PLXNA4: variants seen among roughly 807,000 people sequenced by gnomAD.
PLXNA4 encodes plexin A4.
A neutral mutation model predicts 191.8 loss-of-function variants in PLXNA4; 44 were observed. That is an observed-to-expected ratio of 0.23 (90% CI 0.18 to 0.29). PLXNA4 has a LOEUF of 0.29. PLXNA4 is among the 10% of genes least tolerant of loss of function. The pLI is 1.00. For missense variants in PLXNA4, 1,800 were observed against 2,488.8 expected, an observed-to-expected ratio of 0.72 and a Z score of 5.89; for synonymous variants, 1,082 against 1,009.5, an observed-to-expected ratio of 1.07 and a Z score of -1.36.
chr7:132,645,232 C>A (rs1257041428), intron 2 of PLXNA4, among the ~76,000 whole-genome samples: 4 of 152,208 alleles, frequency 2.6e-5, no homozygotes, highest in Admixed American at 1.3e-4. Flanking sequence ...CAAATATCAT[C>A]TTGAATTGTA....
At position 132,159,373 on chromosome 7, in the gene PLXNA4, C is replaced by T. The variant is rs549056369; in HGVS notation, c.4660+100G>A. On this transcript the variant is annotated intron_variant, in intron 25 of 31. Transcript: ENST00000321063. ...ACTCCCTCCAGCCAGTGATTATTCCCCTCAGATCTCTACCCCAGCCCTGCC... is the reference window on the plus strand; with the variant it reads ...ACTCCCTCCAGCCAGTGATTATTCCTCTCAGATCTCTACCCCAGCCCTGCC... The T allele has an allele frequency of 1.3e-3, 2,016 of 1,543,078 alleles. 41 individuals carry two copies. In the South Asian group the frequency reaches 0.024, roughly 18 times the overall value.
At chr7:132,133,703 A>G (rs552420152) in intron 30 of PLXNA4, among the ~76,000 whole-genome samples, 1 of 152,310 alleles carries the variant, frequency 6.6e-6, no homozygotes, top group South Asian at 2.1e-4. Context: ...GCAATCAGTC[A>G]CTGTCACTTG....
At chr7:132,443,547 G>A (rs1308266298) in intron 3 of PLXNA4, among the ~76,000 whole-genome samples, 3 of 152,120 alleles carry the variant, frequency 2.0e-5, no homozygotes, top group Admixed American at 2.0e-4. Flanking sequence ...CGGGCCTGTT[G>A]TCCATTTCCT....
chr7:132,246,239 A>G (rs530890012), intron 4 of PLXNA4, among the ~76,000 whole-genome samples: 2 of 152,344 alleles, frequency 1.3e-5, no homozygotes, highest in African/African-American at 4.8e-5. Flanking sequence ...TGGTAGACTA[A>G]TACAATCATC....
intron 25 of PLXNA4, among the ~76,000 whole-genome samples, chr7:132,151,169 A>G (rs910608593): frequency 9.9e-5 from 15 of 152,126 alleles, no homozygotes; most frequent in African/African-American, 3.6e-4. Flanking sequence ...AATATCAGAA[A>G]GGTGAAAGAA....
At chr7:132,519,451 G>A (rs761921096) in intron 1 of PLXNA4, among the ~76,000 whole-genome samples, 8 of 152,194 alleles carry the variant, frequency 5.3e-5, no homozygotes, top group Non-Finnish European at 7.3e-5. Context: ...AGTGGACCTT[G>A]GGAACCACAG....
At chr7:132,216,766 G>A (rs2116926361) in intron 9 of PLXNA4, among the ~76,000 whole-genome samples, 1 of 152,270 alleles carries the variant, frequency 6.6e-6, no homozygotes, top group African/African-American at 2.4e-5. Context: ...TGGCAATGAT[G>A]AGCACAGTAT....
chr7:132,536,850 G>C (rs1367052014), intron 1 of PLXNA4, among the ~76,000 whole-genome samples: 1 of 152,240 alleles, frequency 6.6e-6, no homozygotes, highest in Non-Finnish European at 1.5e-5. Context: ...AGGGCAGAAA[G>C]AGACAGTCAT....
chr7:132,544,454 G>T (rs1402946176), intron 1 of PLXNA4, among the ~76,000 whole-genome samples: 1 of 152,218 alleles, frequency 6.6e-6, no homozygotes, highest in Non-Finnish European at 1.5e-5. Flanking sequence ...AGAGCCACTT[G>T]TTAGTAACAG....
At chr7:132,559,615 G>A (rs1250633783) in intron 1 of PLXNA4, among the ~76,000 whole-genome samples, 3 of 152,172 alleles carry the variant, frequency 2.0e-5, no homozygotes, top group African/African-American at 7.2e-5. Flanking sequence ...AAGACTTGAA[G>A]GAGTTGAGCA....
chr7:132,374,196 T>C (rs1183379157), intron 3 of PLXNA4, among the ~76,000 whole-genome samples: 1 of 152,214 alleles, frequency 6.6e-6, no homozygotes, highest in Non-Finnish European at 1.5e-5. Flanking sequence ...TGAGTCACAA[T>C]ATGTGATTGA....
intron 25 of PLXNA4, among the ~76,000 whole-genome samples, chr7:132,156,770 T>A (rs1795811606): frequency 1.3e-5 from 2 of 152,236 alleles, no homozygotes. Flanking sequence ...CAACTTGCCT[T>A]GCTTCTCTCT....
chr7:132,535,115 T>C (rs1020645801), intron 1 of PLXNA4, among the ~76,000 whole-genome samples: 1 of 152,166 alleles, frequency 6.6e-6, no homozygotes, highest in African/African-American at 2.4e-5. Context: ...TCATCATCCA[T>C]ATTACAAGCT....
At chr7:132,411,843 A>G (rs376790615) in intron 3 of PLXNA4, among the ~76,000 whole-genome samples, 200 of 152,298 alleles carry the variant, frequency 1.3e-3, no homozygotes, top group Middle Eastern at 6.8e-3. Flanking sequence ...TTATGCTTGG[A>G]ATGTGAAGGA....
chr7:132,462,187 G>A (rs759868548), intron 3 of PLXNA4, among the ~76,000 whole-genome samples: 1 of 152,144 alleles, frequency 6.6e-6, no homozygotes, highest in African/African-American at 2.4e-5. Flanking sequence ...TCTTAACTTC[G>A]ATGCTTTAGG....
At chr7:132,183,174 A>G (rs1796766060) in intron 16 of PLXNA4, among the ~76,000 whole-genome samples, 1 of 152,202 alleles carries the variant, frequency 6.6e-6, no homozygotes, top group Non-Finnish European at 1.5e-5. Context: ...TTATATTGCC[A>G]GTTGCTTCTC....
At chr7:132,201,554 C>T (rs944969763) in intron 12 of PLXNA4, among the ~76,000 whole-genome samples, 1 of 152,312 alleles carries the variant, frequency 6.6e-6, no homozygotes, top group Non-Finnish European at 1.5e-5. Context: ...CTCCTTCTCC[C>T]TCTTCCTGCT....
At chr7:132,306,155 C>T (rs772095752) in intron 3 of PLXNA4, among the ~76,000 whole-genome samples, 17 of 152,228 alleles carry the variant, frequency 1.1e-4, no homozygotes, top group East Asian at 1.9e-4. Flanking sequence ...GGGGCTTGTG[C>T]GGAGGCGCCC....
At chr7:132,560,402 A>G (rs1031221400) in intron 1 of PLXNA4, among the ~76,000 whole-genome samples, 1 of 152,200 alleles carries the variant, frequency 6.6e-6, no homozygotes, top group Non-Finnish European at 1.5e-5. Context: ...AATTTCAAGT[A>G]CATTGTCCAA....
Sources: gnomAD v4.1 joint callset for allele counts (sites outside exome capture counted in the v4.1 genomes callset) on GRCh38, gnomAD v4.1.1 for gene constraint, MANE v1.5 for transcripts, NCBI Gene and HGNC (gene_info 2026-07-23, HGNC 2026-07-21) for gene names.